Variants in FAM168A observed in about 807,000 individuals in gnomAD.
FAM168A encodes the protein protein FAM168A.
In FAM168A, 3 loss-of-function variants were observed where a neutral mutation model predicts 28.5. That is an observed-to-expected ratio of 0.11 (90% confidence interval 0.05 to 0.27). The LOEUF is 0.27. FAM168A is among the 10% of genes least tolerant of loss of function. The pLI is 1.00. For missense variants in FAM168A, 222 were observed against 311.5 expected (o/e 0.71, Z 2.16); for synonymous variants, 122 against 124.2 (o/e 0.98, Z 0.12).
chr11:73,406,958 G>A (rs1866517318), intron 7 of FAM168A, among the ~76,000 whole-genome samples: 1 of 152,214 alleles, frequency 6.6e-6, no homozygotes, highest in East Asian at 1.9e-4. Flanking sequence ...GAGCCCTATG[G>A]TTCACTGTCA....
rs545004721 is a variant in FAM168A, at chr11:73,571,615, G to A, written c.-19+26308C>T. Among the ~76,000 whole-genome samples, 568 of 152,154 alleles carry A rather than the reference G, an allele frequency of 3.7e-3. 1 individual carries two copies. The highest frequency in any genetic ancestry group is 0.014 in the Middle Eastern group (4 of 294). On this transcript the variant is annotated intron_variant, in intron 1 of 7. Transcript: ENST00000356467. ...TCGCTACAACCTCCACCTCCCAGCC[G>A]CCTGCCTTGGCCTCCCAAAGTGCAG... is the stretch of plus-strand genomic sequence containing the variant.
chr11:73,457,299 G>A (rs1489901389), intron 2 of FAM168A, among the ~76,000 whole-genome samples: 1 of 151,466 alleles, frequency 6.6e-6, no homozygotes, highest in African/African-American at 2.4e-5. Flanking sequence ...TGAGACTGGA[G>A]GATCCCTTGA....
intron 1 of FAM168A, among the ~76,000 whole-genome samples, chr11:73,542,859 A>T (rs1943674476): frequency 6.6e-6 from 1 of 152,232 alleles, no homozygotes; most frequent in Non-Finnish European, 1.5e-5. Context: ...CACCAAGAAG[A>T]ATATGCAAGC....
rs117131943 is a variant in FAM168A, at chr11:73,552,249, C to T, written c.-19+45674G>A. Among the ~76,000 whole-genome samples the T allele has an allele frequency of 2.6e-3, 394 of 152,264 alleles. 1 individual carries two copies. Among genetic ancestry groups the T allele is most frequent in the Non-Finnish European group, 5.0e-3 (341 of 68,018 alleles). On this transcript the variant is annotated intron_variant, in intron 1 of 7. Coordinates refer to ENST00000356467, the MANE Select transcript of FAM168A (RefSeq NM_015159.3). ...CTTAATCTTCCTTAGACTCTATTTCCTCATGTTTAAATGATAATGCCTAAC... is the reference window on the plus strand; with the variant it reads ...CTTAATCTTCCTTAGACTCTATTTCTTCATGTTTAAATGATAATGCCTAAC...
chr11:73,441,260 C>T (rs1053392538), intron 2 of FAM168A, among the ~76,000 whole-genome samples: 9 of 152,052 alleles, frequency 5.9e-5, no homozygotes, highest in Admixed American at 2.0e-4. Context: ...GGTTTCACCA[C>T]GTTGGCCAAG....
chr11:73,483,222 G>A (rs1867991642), intron 1 of FAM168A, among the ~76,000 whole-genome samples: 1 of 152,120 alleles, frequency 6.6e-6, no homozygotes, highest in Non-Finnish European at 1.5e-5. Flanking sequence ...TCATTATTTT[G>A]CCTAGAGGAA....
intron 2 of FAM168A, chr11:73,452,087 G>A (rs531482673): frequency 6.6e-6 from 1 of 152,440 alleles, no homozygotes; most frequent in South Asian, 2.1e-4. Context: ...CTGGGGTGTT[G>A]GAAGTCTGGG....
intron 1 of FAM168A, among the ~76,000 whole-genome samples, chr11:73,551,854 T>TTGC (rs1293018038): frequency 6.6e-6 from 1 of 152,232 alleles, no homozygotes; most frequent in East Asian, 1.9e-4. Context: ...TATTAGGCAC[T>TTGC]TGCCTAAAGC....
chr11:73,419,554 G>T (rs1221300983), intron 4 of FAM168A, among the ~76,000 whole-genome samples: 1 of 152,034 alleles, frequency 6.6e-6, no homozygotes, highest in East Asian at 1.9e-4. Context: ...TCTGTCCAAA[G>T]ACCCACAGAC....
intron 1 of FAM168A, among the ~76,000 whole-genome samples, chr11:73,483,943 T>TAA (rs1253980491): frequency 6.6e-6 from 1 of 152,204 alleles, no homozygotes; most frequent in Non-Finnish European, 1.5e-5. Flanking sequence ...GGGGGAAGTA[T>TAA]AATAGCACAA....
chr11:73,406,929 T>C (rs558794810), intron 7 of FAM168A, among the ~76,000 whole-genome samples, 185 bp from the exon 8 acceptor site: 1 of 152,240 alleles, frequency 6.6e-6, no homozygotes, highest in South Asian at 2.1e-4. Flanking sequence ...GGCCAGAGGA[T>C]TTCAAAGTGA....
At chr11:73,540,811 G>GA (rs1364715215) in intron 1 of FAM168A, among the ~76,000 whole-genome samples, 1 of 152,038 alleles carries the variant, frequency 6.6e-6, no homozygotes, top group African/African-American at 2.4e-5. Context: ...TAGAATGAAA[G>GA]ACTTATGAGG....
chr11:73,428,876 A>G lies in FAM168A; in HGVS notation c.151+1814T>C, dbSNP rs139109957. ...ATGACTACAGCTTCCTCAAGTTTGA[A>G]TCATCTACAGGGTCTTCCAAAGTAT... On this transcript the variant is annotated intron_variant, in intron 3 of 7. Transcript: ENST00000356467. 2.6e-3 allele frequency among the ~76,000 whole-genome samples: 402 copies of G among 152,328 alleles called. 3 individuals are homozygous for G. Among genetic ancestry groups the G allele is most frequent in the African/African-American group, 9.1e-3 (378 of 41,582 alleles).
intron 2 of FAM168A, among the ~76,000 whole-genome samples, chr11:73,466,588 T>C (rs1387753477): frequency 6.6e-6 from 1 of 152,182 alleles, no homozygotes; most frequent in Non-Finnish European, 1.5e-5. Flanking sequence ...TGCAATATAT[T>C]TGGCATTTGT....
At chr11:73,532,682 A>C (rs2134666016) in intron 1 of FAM168A, among the ~76,000 whole-genome samples, 1 of 152,366 alleles carries the variant, frequency 6.6e-6, no homozygotes, top group Middle Eastern at 3.4e-3. Flanking sequence ...TTCCCAGAGA[A>C]GAGGACTTGG....
At chr11:73,587,464 C>G (rs1433467182) in intron 1 of FAM168A, among the ~76,000 whole-genome samples, 2 of 150,370 alleles carry the variant, frequency 1.3e-5, no homozygotes, top group African/African-American at 4.9e-5. Flanking sequence ...TGCACTCCAG[C>G]TGAGGTGACA....
rs1866509268 is a variant in FAM168A, at chr11:73,406,542, A to G, written c.*221T>C. Reference sequence around the variant, plus strand: ...TAGAGCTGGAAGGGCAGGGGCTAAGAGGGGGACAGTTGGGGAGAGGCAGGA... The same window carrying G: ...TAGAGCTGGAAGGGCAGGGGCTAAGGGGGGGACAGTTGGGGAGAGGCAGGA... On this transcript the variant is annotated 3_prime_UTR_variant, in exon 8 of 8. Coordinates refer to ENST00000356467, the MANE Select transcript of FAM168A (RefSeq NM_015159.3). The G allele has an allele frequency of 6.6e-6, 1 of 152,540 alleles. No homozygotes were observed. The highest frequency in any genetic ancestry group is 2.4e-5 in the African/African-American group (1 of 41,446). The allele number at this position is 152,540 out of a possible 1,614,324, so 9.4% of individuals were successfully genotyped here. A position where few individuals can be genotyped will look rare whatever the true frequency, so the allele number is the denominator to read the frequency against.
intron 1 of FAM168A, among the ~76,000 whole-genome samples, chr11:73,469,714 G>A (rs1867786671): frequency 6.6e-6 from 1 of 152,026 alleles, no homozygotes; most frequent in Non-Finnish European, 1.5e-5. Context: ...CCAACAAACT[G>A]AAACTAGAAC....
At chr11:73,537,260 G>A (rs1351706384) in intron 1 of FAM168A, among the ~76,000 whole-genome samples, 1 of 152,080 alleles carries the variant, frequency 6.6e-6, no homozygotes, top group Non-Finnish European at 1.5e-5. Flanking sequence ...GCAGAAATCA[G>A]ATCAAGAAAC....
Sources: allele counts gnomAD v4.1 joint callset (sites outside exome capture counted in the v4.1 genomes callset), GRCh38; gene constraint gnomAD v4.1.1; transcripts MANE v1.5; gene names NCBI Gene and HGNC (gene_info 2026-07-23, HGNC 2026-07-21).